The following KIF24 variants were observed in gnomAD, a reference collection of about 807,000 sequenced individuals.
The protein encoded by KIF24 is kinesin family member 24.
KIF24 carries 81 observed loss-of-function variants against 118.9 expected under a neutral mutation model. That is an observed-to-expected ratio of 0.68 (90% CI 0.57 to 0.82). The LOEUF is 0.82. Ranked by LOEUF, KIF24 falls within the 40% of genes least tolerant of loss-of-function variation. The pLI, the probability that KIF24 is intolerant of heterozygous loss-of-function variation, is 0.00. For missense variants in KIF24, 1,560 were observed against 1,661.6 expected, an observed-to-expected ratio of 0.94 and a Z score of 1.06; for synonymous variants, 599 against 610.0, an observed-to-expected ratio of 0.98 and a Z score of 0.27.
chr9:34,262,665 A>ATATATATATGT (rs1563936542), intron 9 of KIF24, among the ~76,000 whole-genome samples: 1 of 41,424 alleles, frequency 2.4e-5, no homozygotes, highest in Non-Finnish European at 4.7e-5. Flanking sequence ...AAAAAAAAAA[A>ATATATATATGT]AAAAAAAAAA....
chr9:34,281,274 C>T (rs558469309), intron 6 of KIF24, among the ~76,000 whole-genome samples: 1 of 152,152 alleles, frequency 6.6e-6, no homozygotes, highest in Non-Finnish European at 1.5e-5. Flanking sequence ...GACCTTCCAG[C>T]CTCGGCCTCC....
chr9:34,330,728 G>A (rs530796224), upstream of KIF24, among the ~76,000 whole-genome samples: 82 of 152,100 alleles, frequency 5.4e-4, no homozygotes, highest in African/African-American at 1.8e-3. Flanking sequence ...TTGGGAGGCC[G>A]AGGCGGGCGG....
At chr9:34,286,020 C>T (rs1033151460) in intron 6 of KIF24, among the ~76,000 whole-genome samples, 4 of 150,652 alleles carry the variant, frequency 2.7e-5, no homozygotes, top group African/African-American at 9.8e-5. Context: ...CATAGAGAAA[C>T]ACATTAGCAG....
intron 6 of KIF24, among the ~76,000 whole-genome samples, chr9:34,276,153 A>G (rs1030312519): frequency 6.6e-6 from 1 of 152,164 alleles, no homozygotes; most frequent in Admixed American, 6.5e-5. Flanking sequence ...CTATAATCCG[A>G]GCACTTTGGG....
intron 1 of KIF24, chr9:34,319,019 T>C (rs745518189): frequency 1.6e-5 from 20 of 1,232,152 alleles, no homozygotes; most frequent in Non-Finnish European, 2.4e-5. Flanking sequence ...CACCATGTTC[T>C]TCAAGCCACA....
chr9:34,312,849 C>T (rs1006912410), intron 1 of KIF24, among the ~76,000 whole-genome samples: 1 of 152,142 alleles, frequency 6.6e-6, no homozygotes, highest in African/African-American at 2.4e-5. Context: ...CAGGTGCGTG[C>T]CACCACACCC....
At chr9:34,308,440 C>T (rs554653217) in intron 2 of KIF24, among the ~76,000 whole-genome samples, 13 of 152,124 alleles carry the variant, frequency 8.5e-5, no homozygotes, top group Admixed American at 3.3e-4. Flanking sequence ...CCTGCCATGA[C>T]GCTCTGCTAA....
intron 6 of KIF24, among the ~76,000 whole-genome samples, chr9:34,280,872 C>T (rs1231615452): frequency 6.6e-6 from 1 of 151,818 alleles, no homozygotes; most frequent in Non-Finnish European, 1.5e-5. Flanking sequence ...CTGCACACAC[C>T]CAAGTCCCAA....
upstream of KIF24, among the ~76,000 whole-genome samples, chr9:34,329,282 C>A (rs1215346639): frequency 6.6e-6 from 1 of 152,230 alleles, no homozygotes. Flanking sequence ...CGCGCTGTGG[C>A]CCGCGCGTCG....
At chr9:34,254,555 C>T (rs1834744333) in intron 12 of KIF24, 35 bp from the exon 13 acceptor site, 3 of 1,601,294 alleles carry the variant, frequency 1.9e-6, no homozygotes, top group Non-Finnish European at 2.6e-6. Flanking sequence ...ACAGCTTTTG[C>T]TCTTGCTGGC....
chr9:34,285,365 C>T (rs577714410), intron 6 of KIF24, among the ~76,000 whole-genome samples: 134 of 152,058 alleles, frequency 8.8e-4, no homozygotes, highest in African/African-American at 3.0e-3. Context: ...CGGTGGCTCA[C>T]GCCTGTAATC....
At chr9:34,311,434 T>A (rs989220873) in intron 1 of KIF24, 63 bp from the exon 2 acceptor site, 2 of 879,834 alleles carry the variant, frequency 2.3e-6, no homozygotes, top group Non-Finnish European at 3.1e-6. Context: ...TTATTTATTT[T>A]AAAAATTGAA....
intron 1 of KIF24, among the ~76,000 whole-genome samples, chr9:34,325,005 T>G (rs144594134): frequency 1.3e-5 from 2 of 152,238 alleles, no homozygotes; most frequent in African/African-American, 2.4e-5. Context: ...TTTGATTATG[T>G]CTATTTCCCC....
At chr9:34,255,297 A>T (rs2131656089) in intron 11 of KIF24, 132 bp from the exon 12 acceptor site, 1 of 626,430 alleles carries the variant, frequency 1.6e-6, no homozygotes, top group East Asian at 2.8e-5. Flanking sequence ...CACCAAGGCC[A>T]GCTTACCAAC....
At chr9:34,330,972 G>A (rs959317728), upstream of KIF24, among the ~76,000 whole-genome samples, 91 of 144,210 alleles carry the variant, frequency 6.3e-4, no homozygotes, top group African/African-American at 2.6e-3. Context: ...AAAAAAAAAA[G>A]GTAGCTATTA....
chr9:34,256,051 C>T lies in KIF24; in HGVS notation c.3556G>A (p.Gly1186Ser), dbSNP rs1834822870. Reference sequence around the variant, plus strand: ...GTGGTGAAGGGCTTTCCTGGGAAACCCCAGGAGCCATCCAGCCCCGTCTCC... The same window carrying T: ...GTGGTGAAGGGCTTTCCTGGGAAACTCCAGGAGCCATCCAGCCCCGTCTCC... ...AEETGLDGSW[G>S]FPGKPFTTIH... The change falls in exon 11 of 13, where the codon GGT becomes AGT. Residue 1186 changes from glycine to serine, a missense_variant. Physicochemically the swap from Gly to Ser is moderately conservative, Grantham distance 56 (BLOSUM62 0). Transcript: ENST00000402558. 6.2e-7 allele frequency: 1 copy of T among 1,613,970 alleles called. No individual in the cohort carries two copies. Among genetic ancestry groups the T allele is most frequent in the Non-Finnish European group, 8.5e-7 (1 of 1,179,878 alleles).
chr9:34,289,959 G>T (rs768868054), intron 5 of KIF24, among the ~76,000 whole-genome samples: 28 of 152,036 alleles, frequency 1.8e-4, no homozygotes, highest in Non-Finnish European at 3.7e-4. Context: ...TTAGAATATT[G>T]AACACTTTAA....
chr9:34,294,731 G>A (rs1436427762), intron 4 of KIF24, among the ~76,000 whole-genome samples: 1 of 152,170 alleles, frequency 6.6e-6, no homozygotes, highest in Non-Finnish European at 1.5e-5. Context: ...ATTATGCTAA[G>A]CAAACATTAT....
At chr9:34,306,221 T>C in intron 3 of KIF24, 31 bp downstream of exon 3, 1 of 1,440,608 alleles carries the variant, frequency 6.9e-7, no homozygotes, top group Non-Finnish European at 9.6e-7. Flanking sequence ...TTGATAATAT[T>C]AGTTCCAAAC....
Sources: allele counts gnomAD v4.1 joint callset (sites outside exome capture counted in the v4.1 genomes callset), GRCh38; gene constraint gnomAD v4.1.1; transcripts MANE v1.5; gene names NCBI Gene and HGNC (gene_info 2026-07-23, HGNC 2026-07-21).